Variants in SOX5 observed in about 807,000 individuals in gnomAD.
The protein encoded by SOX5 is SRY-box transcription factor 5.
SOX5 carries 9 observed loss-of-function variants against 92.0 expected under a neutral mutation model. The ratio of observed to expected loss-of-function variants is 0.10; its 90% CI spans 0.06 to 0.17. The LOEUF (loss-of-function observed/expected upper bound fraction) is 0.17, where lower values mean the gene tolerates loss of function less well. SOX5 is among the 10% of genes least tolerant of loss of function. SOX5 has a pLI of 1.00. For missense variants in SOX5, 642 were observed against 944.5 expected, an observed-to-expected ratio of 0.68 and a Z score of 4.20; for synonymous variants, 344 against 336.3, an observed-to-expected ratio of 1.02 and a Z score of -0.25.
intron 4 of SOX5, among the ~76,000 whole-genome samples, chr12:24,124,789 A>G (rs1593379921): frequency 6.6e-6 from 1 of 152,318 alleles, no homozygotes; most frequent in East Asian, 1.9e-4. Flanking sequence ...GGGGTTATTC[A>G]GCCTTTATTA....
chr12:23,973,708 G>A (rs756539220), intron 4 of SOX5, among the ~76,000 whole-genome samples: 4 of 152,152 alleles, frequency 2.6e-5, no homozygotes, highest in Admixed American at 1.3e-4. Context: ...ACCAGCACTG[G>A]TCTGTGGCCT....
intron 4 of SOX5, among the ~76,000 whole-genome samples, chr12:23,974,368 T>C (rs1948684470): frequency 6.6e-6 from 1 of 152,212 alleles, no homozygotes; most frequent in African/African-American, 2.4e-5. Context: ...ATATTCATTT[T>C]TTTTCATGTT....
rs150448268 is a variant in SOX5, at chr12:24,308,554, G to A, written c.-173-31242C>T. Among the ~76,000 whole-genome samples the A allele has an allele frequency of 6.0e-4, 92 of 152,290 alleles. No homozygotes were observed. In the East Asian group the frequency reaches 0.015, roughly 25 times the overall value. On this transcript the variant is annotated intron_variant, in intron 2 of 4. Coordinates refer to the SOX5 transcript ENST00000446891. ...TGCTGCAGACCCATTTGGATTTGCC[G>A]CCACTAAGATACTTTGTGGTACCAC...
intron 6 of SOX5, among the ~76,000 whole-genome samples, chr12:23,686,701 C>T (rs2139932315): frequency 6.6e-6 from 1 of 152,056 alleles, no homozygotes; most frequent in East Asian, 1.9e-4. Flanking sequence ...TGAACAGGGC[C>T]ATAGCAAAAA....
At chr12:23,657,480 T>C (rs1482076550) in intron 7 of SOX5, among the ~76,000 whole-genome samples, 1 of 152,188 alleles carries the variant, frequency 6.6e-6, no homozygotes, top group Non-Finnish European at 1.5e-5. Context: ...AATATTTTTC[T>C]TCTTCCATAC....
intron 4 of SOX5, among the ~76,000 whole-genome samples, chr12:24,201,845 G>A (rs1178696677): frequency 6.6e-6 from 1 of 152,152 alleles, no homozygotes; most frequent in Non-Finnish European, 1.5e-5. Flanking sequence ...GCTTTTGTTT[G>A]ATTACTGATC....
chr12:23,821,405 A>G (rs2096113639), intron 3 of SOX5, among the ~76,000 whole-genome samples: 2 of 152,232 alleles, frequency 1.3e-5, no homozygotes, highest in Non-Finnish European at 2.9e-5. Flanking sequence ...TCCTATTTGA[A>G]TACGCTTTAT....
intron 9 of SOX5, among the ~76,000 whole-genome samples, chr12:23,586,790 T>C (rs1265522815): frequency 6.6e-6 from 1 of 151,890 alleles, no homozygotes; most frequent in African/African-American, 2.4e-5. Flanking sequence ...CTCCTCAACA[T>C]ATTCATCAAA....
intron 6 of SOX5, among the ~76,000 whole-genome samples, chr12:23,675,640 A>AT (rs1387543379): frequency 1.3e-5 from 2 of 152,156 alleles, no homozygotes; most frequent in African/African-American, 4.8e-5. Context: ...CTTGGCAATG[A>AT]TTTTTTTAAT....
At chr12:24,419,493 T>C (rs1403825281) in intron 1 of SOX5, among the ~76,000 whole-genome samples, 4 of 152,128 alleles carry the variant, frequency 2.6e-5, no homozygotes, top group Non-Finnish European at 5.9e-5. Context: ...TCCTGAGAGA[T>C]GAAGTCTAGA....
intron 2 of SOX5, among the ~76,000 whole-genome samples, chr12:24,338,429 G>A (rs976866998): frequency 4.6e-5 from 7 of 152,192 alleles, no homozygotes; most frequent in South Asian, 2.1e-4. Context: ...GAATAGGGGC[G>A]AAAAATAAAG....
At position 24,355,282 on chromosome 12, in the gene SOX5, CTTT is replaced by C. The variant is rs768157437; in HGVS notation, c.-174+13278_-174+13280del. On this transcript the variant is annotated intron_variant, in intron 2 of 4. Coordinates refer to the SOX5 transcript ENST00000446891. Reference sequence around the variant, plus strand: ...TTAGCAGGTGTGGTGAGGGGTGCATCTTTTTTTTTTTTTTTTTTTTTTTTTTTT... The same window carrying C: ...TTAGCAGGTGTGGTGAGGGGTGCATCTTTTTTTTTTTTTTTTTTTTTTTTT... Among the ~76,000 whole-genome samples the C allele has an allele frequency of 2.0e-3, 145 of 71,934 alleles. 5 individuals carry two copies. The highest frequency in any genetic ancestry group is 0.017 in the Middle Eastern group (2 of 120). The allele number at this position is 71,934 out of a possible 152,430, so 47.2% of individuals were successfully genotyped here. A position where few individuals can be genotyped will look rare whatever the true frequency, so the allele number is the denominator to read the frequency against.
intron 3 of SOX5, among the ~76,000 whole-genome samples, chr12:24,259,265 T>C (rs1011081131): frequency 4.6e-5 from 7 of 152,168 alleles, no homozygotes; most frequent in Admixed American, 2.0e-4. Context: ...AGCGCGCACA[T>C]GGTTTTGCAA....
At chr12:24,282,307 T>C (rs903279177) in intron 2 of SOX5, among the ~76,000 whole-genome samples, 2 of 151,904 alleles carry the variant, frequency 1.3e-5, no homozygotes, top group South Asian at 2.1e-4. Context: ...TGTATACATA[T>C]GTAACAAACC....
intron 3 of SOX5, among the ~76,000 whole-genome samples, chr12:23,838,404 T>A (rs1009155379): frequency 1.3e-5 from 2 of 151,858 alleles, no homozygotes; most frequent in African/African-American, 4.8e-5. Flanking sequence ...TAGCAAATTC[T>A]CAATAAAAGT....
At chr12:23,702,751 AGTGT>A (rs144961077) in intron 6 of SOX5, among the ~76,000 whole-genome samples, 15 of 149,364 alleles carry the variant, frequency 1.0e-4, no homozygotes, top group African/African-American at 2.0e-4. Context: ...AGAAACAGAG[AGTGT>A]GTGTGTGTGT....
chr12:23,834,239 T>G lies in SOX5; in HGVS notation c.481+11744A>C, dbSNP rs186426669. ...GCACAGTAATATTAAAAACAAAGAG[T>G]GTTGAGAGAACTGCACGTGATTTCA... On this transcript the variant is annotated intron_variant, in intron 3 of 14. Transcript: ENST00000451604. Among the ~76,000 whole-genome samples the G allele has an allele frequency of 5.3e-3, 799 of 151,536 alleles. 1 individual carries two copies. Among genetic ancestry groups the G allele is most frequent in the Non-Finnish European group, 7.4e-3 (500 of 67,754 alleles).
intron 6 of SOX5, among the ~76,000 whole-genome samples, chr12:23,674,336 AT>A (rs34975795): frequency 9.2e-5 from 9 of 97,380 alleles, no homozygotes; most frequent in African/African-American, 2.5e-4. Context: ...ATAAAAAGGA[AT>A]TTTTTTTTTT....
At chr12:23,644,096 T>C (rs543760865) in intron 7 of SOX5, among the ~76,000 whole-genome samples, 1 of 152,316 alleles carries the variant, frequency 6.6e-6, no homozygotes, top group African/African-American at 2.4e-5. Context: ...AGTAATGCTA[T>C]TTTACATTTG....
Sources: gnomAD v4.1 joint callset for allele counts (sites outside exome capture counted in the v4.1 genomes callset) on GRCh38, gnomAD v4.1.1 for gene constraint, MANE v1.5 for transcripts, NCBI Gene and HGNC (gene_info 2026-07-23, HGNC 2026-07-21) for gene names.